Variants in ZNF782 observed in about 807,000 individuals in gnomAD.
ZNF782 encodes zinc finger protein 782.
In ZNF782, 12 loss-of-function variants were observed where a neutral mutation model predicts 13.0. The ratio of observed to expected loss-of-function variants is 0.92; its 90% CI spans 0.59 to 1.50. ZNF782 has a LOEUF of 1.50. ZNF782 is among the 40% of genes most tolerant of loss of function. The pLI, the probability that ZNF782 is intolerant of heterozygous loss-of-function variation, is 0.00. For synonymous variants in ZNF782, 284 were observed against 283.0 expected, an observed-to-expected ratio of 1.00 and a Z score of -0.04; for missense variants, 770 against 822.9, an observed-to-expected ratio of 0.94 and a Z score of 0.79.
the ZNF782 span, chr9:96,931,590 A>C: frequency 1.3e-6 from 1 of 754,488 alleles, no homozygotes; most frequent in Non-Finnish European, 2.2e-6. Flanking sequence ...TCTGATGCAC[A>C]CTCAGGGACA....
At chr9:96,889,776 G>A in the ZNF782 span, 1 of 152,300 alleles carries the variant, frequency 6.6e-6, no homozygotes. Flanking sequence ...ATGTATGTGT[G>A]TGTGTGTATA....
intron 3 of ZNF782, among the ~76,000 whole-genome samples, chr9:96,848,855 C>T (rs567272687): frequency 6.3e-4 from 96 of 152,080 alleles, no homozygotes; most frequent in Middle Eastern, 3.4e-3. Context: ...AAAAAGAGCC[C>T]GAATAGTCAA....
the ZNF782 span, among the ~76,000 whole-genome samples, chr9:96,897,589 G>A: frequency 0.2 from 29,403 of 145,894 alleles, 8,017 homozygotes; most frequent in African/African-American, 0.62. Context: ...TGAGTTCTCT[G>A]CTCTTGAATG....
At chr9:96,888,346 C>T in the ZNF782 span, 1 of 151,898 alleles carries the variant, frequency 6.6e-6, no homozygotes, top group African/African-American at 2.4e-5. Context: ...ACTATGAAGA[C>T]AAAATGGTTT....
At chr9:96,898,838 T>G in the ZNF782 span, among the ~76,000 whole-genome samples, 1 of 149,038 alleles carries the variant, frequency 6.7e-6, no homozygotes, top group Admixed American at 6.6e-5. Flanking sequence ...CCTCCCAAAG[T>G]GCTGGGATTA....
the ZNF782 span, among the ~76,000 whole-genome samples, chr9:96,908,357 C>T: frequency 1.3e-5 from 2 of 152,246 alleles, no homozygotes; most frequent in Non-Finnish European, 2.9e-5. Flanking sequence ...GATTACAGCA[C>T]TTGAGTGCCC....
the ZNF782 span, among the ~76,000 whole-genome samples, chr9:96,915,145 G>C: frequency 6.6e-6 from 1 of 151,560 alleles, no homozygotes; most frequent in South Asian, 2.1e-4. Context: ...ACCCCTTTTA[G>C]GTATCCAATA....
At chr9:96,833,013 G>A (rs1017623394) in intron 4 of ZNF782, among the ~76,000 whole-genome samples, 7 of 152,018 alleles carry the variant, frequency 4.6e-5, no homozygotes, top group African/African-American at 1.4e-4. Context: ...TCTCTGTAAA[G>A]AATGACTCAT....
the ZNF782 span, among the ~76,000 whole-genome samples, chr9:96,882,017 G>GTA: frequency 2.8e-5 from 4 of 140,948 alleles, no homozygotes; most frequent in South Asian, 9.1e-4. Context: ...GTGTGTGTGT[G>GTA]TATACTCATT....
At chr9:96,911,336 G>A in the ZNF782 span, among the ~76,000 whole-genome samples, 240 of 142,152 alleles carry the variant, frequency 1.7e-3, 1 homozygote, top group African/African-American at 5.9e-3. Flanking sequence ...CTACTCGGCA[G>A]GCTGAGGCAG....
At chr9:96,927,651 A>G in the ZNF782 span, among the ~76,000 whole-genome samples, 1 of 152,206 alleles carries the variant, frequency 6.6e-6, no homozygotes, top group African/African-American at 2.4e-5. Flanking sequence ...ATCCCAGTGA[A>G]ATGTGAATAG....
At chr9:96,863,730 G>T (rs1016381760) in intron 1 of ZNF782, among the ~76,000 whole-genome samples, 1 of 152,142 alleles carries the variant, frequency 6.6e-6, no homozygotes, top group East Asian at 1.9e-4. Flanking sequence ...TGGAGCTGGC[G>T]GCCATTATTC....
chr9:96,881,208 C>A, the ZNF782 span, among the ~76,000 whole-genome samples: 1 of 152,132 alleles, frequency 6.6e-6, no homozygotes, highest in East Asian at 1.9e-4. Flanking sequence ...TCTTCCAAAA[C>A]CCCCCACAAC....
chr9:96,859,939 C>T (rs1041789071), intron 3 of ZNF782, among the ~76,000 whole-genome samples: 1 of 152,264 alleles, frequency 6.6e-6, no homozygotes, highest in Middle Eastern at 3.4e-3. Context: ...CACAAGCTGA[C>T]TGAGAGCCCT....
At chr9:96,915,426 C>T in the ZNF782 span, among the ~76,000 whole-genome samples, 1 of 149,930 alleles carries the variant, frequency 6.7e-6, no homozygotes, top group Admixed American at 6.6e-5. Context: ...TACCTGTAAT[C>T]CCAGCACTCT....
chr9:96,875,894 C>G (rs1028231177), upstream of ZNF782, among the ~76,000 whole-genome samples: 10 of 152,228 alleles, frequency 6.6e-5, no homozygotes, highest in African/African-American at 2.2e-4. Context: ...CTTGCACATG[C>G]GCAGACGTCA....
chr9:96,853,835 T>C (rs982549543), intron 1 of ZNF782, among the ~76,000 whole-genome samples: 8 of 152,212 alleles, frequency 5.3e-5, no homozygotes, highest in Non-Finnish European at 8.8e-5. Flanking sequence ...TTATATTTAA[T>C]GCAGATGTGG....
intron 1 of ZNF782, among the ~76,000 whole-genome samples, chr9:96,873,974 T>G (rs898233907): frequency 2.0e-5 from 3 of 152,206 alleles, no homozygotes; most frequent in African/African-American, 7.2e-5. Flanking sequence ...ATGAAAAAGA[T>G]TATCTGACTA....
At chr9:96,880,005 T>A (rs1851943343), upstream of ZNF782, among the ~76,000 whole-genome samples, 1 of 152,244 alleles carries the variant, frequency 6.6e-6, no homozygotes, top group Admixed American at 6.5e-5. Context: ...TGGCCAGGAT[T>A]CCCAGTACTA....
Sources: gnomAD v4.1 joint callset for allele counts (sites outside exome capture counted in the v4.1 genomes callset) on GRCh38, gnomAD v4.1.1 for gene constraint, MANE v1.5 for transcripts, NCBI Gene and HGNC (gene_info 2026-07-23, HGNC 2026-07-21) for gene names.